RAB13: variants seen among roughly 807,000 people sequenced by gnomAD.
RAB13 encodes the protein ras-related protein Rab-13.
A neutral mutation model predicts 29.3 loss-of-function variants in RAB13; 15 were observed. The observed-to-expected ratio is 0.51, with a 90% CI of 0.34 to 0.79. The LOEUF (loss-of-function observed/expected upper bound fraction) is 0.79, where lower values mean the gene tolerates loss of function less well. RAB13 is among the 30% of genes least tolerant of loss of function. The probability of loss-of-function intolerance (pLI) is 0.01; values close to 1 mark genes in which losing one functional copy is unlikely to be tolerated. For missense variants in RAB13, 186 were observed against 255.5 expected (o/e 0.73, Z 1.85); for synonymous variants, 82 against 93.8 (o/e 0.87, Z 0.73).
At chr1:153,985,026 A>G in intron 1 of RAB13, 1 of 1,225,008 alleles carries the variant, frequency 8.2e-7, no homozygotes, top group South Asian at 2.1e-5. Context: ...AAAATTCTGC[A>G]TGGAGGCTTA....
chr1:153,985,316 C>G (rs1181920703), intron 1 of RAB13: 1 of 984,864 alleles, frequency 1.0e-6, no homozygotes, highest in Non-Finnish European at 1.2e-6. Flanking sequence ...GGGCATTTTT[C>G]CTTTTCCTTT....
intron 1 of RAB13, among the ~76,000 whole-genome samples, chr1:153,985,673 G>GT (rs1448372857): frequency 6.6e-6 from 1 of 152,126 alleles, no homozygotes; most frequent in African/African-American, 2.4e-5. Context: ...AGATGGTGAG[G>GT]TGGGGACACA....
At chr1:153,988,754 C>T (rs1021230780), upstream of RAB13, among the ~76,000 whole-genome samples, 1 of 149,018 alleles carries the variant, frequency 6.7e-6, no homozygotes, top group Non-Finnish European at 1.5e-5. Flanking sequence ...GCTGAAATTA[C>T]AGACACCCGC....
upstream of RAB13, among the ~76,000 whole-genome samples, chr1:153,990,311 C>T (rs1288122521): frequency 2.0e-5 from 3 of 152,202 alleles, no homozygotes; most frequent in Non-Finnish European, 4.4e-5. Flanking sequence ...GGTGATCCAC[C>T]CGCCTTGGCC....
intron 4 of RAB13, 154 bp from the exon 5 acceptor site, chr1:153,982,962 C>T (rs1175284827): frequency 1.6e-5 from 13 of 791,156 alleles, no homozygotes; most frequent in Admixed American, 2.5e-5. Flanking sequence ...CCCGTCTCTA[C>T]TAAAAATGCA....
At chr1:153,985,441 TCCC>T in intron 1 of RAB13, 4 of 930,306 alleles carry the variant, frequency 4.3e-6, no homozygotes, top group Non-Finnish European at 5.1e-6. Flanking sequence ...CTTGGGCACC[TCCC>T]CCAAGCCTGC....
chr1:153,985,981 G>A (rs1649154492), intron 1 of RAB13, 132 bp downstream of exon 1: 65 of 1,462,266 alleles, frequency 4.4e-5, no homozygotes, highest in South Asian at 9.6e-5. Context: ...AAGGGTCAGA[G>A]CCAGGGGTTG....
intron 7 of RAB13, 46 bp from the exon 8 acceptor site, chr1:153,982,222 G>A (rs756202383): frequency 2.5e-6 from 4 of 1,570,488 alleles, no homozygotes; most frequent in Middle Eastern, 1.7e-4. Context: ...TGGATGGTTA[G>A]GGTAGGAGGG....
At chr1:153,988,054 G>A (rs1298101193), upstream of RAB13, among the ~76,000 whole-genome samples, 1 of 151,196 alleles carries the variant, frequency 6.6e-6, no homozygotes, top group African/African-American at 2.4e-5. Flanking sequence ...GCGCAATCTC[G>A]GCTCACTGCA....
intron 7 of RAB13, 40 bp downstream of exon 7, chr1:153,982,351 A>C: frequency 1.9e-6 from 3 of 1,566,608 alleles, no homozygotes; most frequent in East Asian, 2.2e-5. Context: ...ACACACACAC[A>C]CACCCCAGAG....
Position 153,982,207 on chromosome 1 carries a change from G to A in RAB13, c.535-31C>T, listed in dbSNP as rs531680525. On this transcript the variant is annotated intron_variant, in intron 7 of 7. Transcript: ENST00000368575. The stretch of plus-strand genomic sequence containing the variant: ...GGGAGAAGGGCACAGGTGTCATGGT[G>A]TGAATGGATGGTTAGGGTAGGAGGG... 3.0e-5 allele frequency: 48 copies of A among 1,591,262 alleles called. No homozygotes were observed. In the South Asian group the frequency reaches 5.1e-4, roughly 17 times the overall value.
upstream of RAB13, among the ~76,000 whole-genome samples, chr1:153,990,586 A>T (rs1287988070): frequency 6.6e-6 from 1 of 152,164 alleles, no homozygotes; most frequent in Non-Finnish European, 1.5e-5. Context: ...TAACCCTCTC[A>T]ACATGGTGAC....
upstream of RAB13, among the ~76,000 whole-genome samples, chr1:153,987,014 C>A (rs1649190624): frequency 6.6e-6 from 1 of 152,176 alleles, no homozygotes; most frequent in Non-Finnish European, 1.5e-5. Context: ...TTGGAACGAT[C>A]TCTCTTATGG....
At chr1:153,984,613 T>G in intron 2 of RAB13, 108 bp downstream of exon 2, 4 of 997,874 alleles carry the variant, frequency 4.0e-6, no homozygotes, top group Non-Finnish European at 6.2e-6. Context: ...TTCTAGCACT[T>G]CTAGAAGGAG....
intron 2 of RAB13, among the ~76,000 whole-genome samples, chr1:153,983,939 G>A (rs1486454963): frequency 6.6e-6 from 1 of 152,134 alleles, no homozygotes; most frequent in East Asian, 1.9e-4. Flanking sequence ...CACTTTGGGA[G>A]GCTGAGGCGG....
intron 1 of RAB13, chr1:153,985,224 T>C: frequency 4.0e-6 from 4 of 987,966 alleles, no homozygotes; most frequent in Non-Finnish European, 4.8e-6. Context: ...AGCCAGTCTA[T>C]GTGAATTAAC....
chr1:153,983,285 T>C lies in RAB13; in HGVS notation c.258A>G (p.Leu86=). 7.4e-6 allele frequency: 12 copies of C among 1,613,832 alleles called. No homozygotes were observed. Among genetic ancestry groups the C allele is most frequent in the Non-Finnish European group, 1.0e-5 (12 of 1,179,704 alleles). ...ATTTCTCATCCGTGATGTCGTATAC[T>C]AGGATAATGCCCTGGGAGATGACAA... ...AYYRGAMGII[L]VYDITDEKSF... Residue 86 remains leucine, a synonymous_variant, in exon 4 of 8, where the codon CTA becomes CTG. Transcript: ENST00000368575.
At chr1:153,987,533 A>G (rs1445282914), upstream of RAB13, among the ~76,000 whole-genome samples, 1 of 148,842 alleles carries the variant, frequency 6.7e-6, no homozygotes, top group African/African-American at 2.5e-5. Flanking sequence ...AAAAAAAAAG[A>G]AAGAAAGAAA....
In RAB13 at chr1:153,982,593, C is replaced by G. The variant is rs149250462; in HGVS notation, c.422G>C (p.Arg141Pro). ...VQKEQADKLA[R>P]EHGIRFFETS... is the part of the protein sequence containing the mutation. ...TTCGAAAAATCGGATTCCATGCTCTCGAGCCAACTATAAGGGGTGAAGTGG... is the reference window on the plus strand; with the variant it reads ...TTCGAAAAATCGGATTCCATGCTCTGGAGCCAACTATAAGGGGTGAAGTGG... Residue 141 changes from arginine (R) to proline (P), a missense_variant, in exon 6 of 8, where the codon CGA becomes CCA. Coordinates refer to ENST00000368575, the MANE Select transcript of RAB13 (RefSeq NM_002870.5). 2 of 1,613,688 alleles carry G rather than the reference C, an allele frequency of 1.2e-6. No homozygotes were observed. The highest frequency in any genetic ancestry group is 8.5e-7 in the Non-Finnish European group (1 of 1,179,634).
Sources: gnomAD v4.1 joint callset for allele counts (sites outside exome capture counted in the v4.1 genomes callset) on GRCh38, gnomAD v4.1.1 for gene constraint, MANE v1.5 for transcripts, NCBI Gene and HGNC (gene_info 2026-07-23, HGNC 2026-07-21) for gene names.